IFT74: variants seen among roughly 807,000 people sequenced by gnomAD.
The protein encoded by IFT74 is intraflagellar transport protein 74 homolog.
IFT74 carries 92 observed loss-of-function variants against 96.7 expected under a neutral mutation model. That is an observed-to-expected ratio of 0.95 (90% CI 0.80 to 1.13). The LOEUF is 1.13. Ranked by LOEUF, IFT74 falls within the 50% of genes most tolerant of loss-of-function variation. IFT74 has a pLI of 0.00. For synonymous variants in IFT74, 223 were observed against 213.2 expected (o/e 1.05, Z -0.40); for missense variants, 811 against 698.2 (o/e 1.16, Z -1.82).
chr9:26,984,695 A>G (rs1291637364), intron 6 of IFT74, 136 bp downstream of exon 6: 1 of 626,744 alleles, frequency 1.6e-6, no homozygotes, highest in Non-Finnish European at 2.7e-6. Flanking sequence ...CAACAAGCAT[A>G]TGAAAAGAAG....
intron 2 of IFT74, among the ~76,000 whole-genome samples, chr9:26,968,066 C>CTT (rs34008230): frequency 8.4e-6 from 1 of 118,412 alleles, no homozygotes; most frequent in Non-Finnish European, 1.9e-5. Flanking sequence ...TATGTCTTGT[C>CTT]TTTTTTTTTT....
At chr9:26,964,345 C>T (rs1372804776) in intron 2 of IFT74, among the ~76,000 whole-genome samples, 1 of 149,420 alleles carries the variant, frequency 6.7e-6, no homozygotes, top group Non-Finnish European at 1.5e-5. Context: ...GTACCAGTAC[C>T]ATGCTGTTTT....
chr9:27,058,240 A>G (rs1052248426), intron 18 of IFT74, among the ~76,000 whole-genome samples: 1 of 151,636 alleles, frequency 6.6e-6, no homozygotes, highest in African/African-American at 2.4e-5. Flanking sequence ...GGCACAGACC[A>G]CCATGCTCAG....
chr9:27,008,359 T>C (rs552600521), intron 8 of IFT74, among the ~76,000 whole-genome samples: 4 of 151,892 alleles, frequency 2.6e-5, no homozygotes, highest in Non-Finnish European at 4.4e-5. Flanking sequence ...TAAAACTTAT[T>C]TGTCTTTTTT....
intron 8 of IFT74, among the ~76,000 whole-genome samples, 195 bp downstream of exon 8, chr9:26,990,390 A>C (rs189133210): frequency 1.3e-4 from 19 of 150,708 alleles, no homozygotes; most frequent in African/African-American, 4.3e-4. Flanking sequence ...AATTCTGTAT[A>C]AAGACTATTG....
intron 4 of IFT74, chr9:26,982,378 C>T (rs757275712): frequency 9.2e-5 from 41 of 444,780 alleles, no homozygotes; most frequent in South Asian, 6.2e-4. Context: ...ATTCTCTTGC[C>T]TCAGCCTCGT....
chr9:26,998,251 CAAA>C lies in IFT74; in HGVS notation c.587+8062_587+8064del, dbSNP rs546349071. 9.5e-6 allele frequency: 13 copies of C among 1,363,642 alleles called. No individual in the cohort carries two copies. In the South Asian group the frequency reaches 2.1e-4, roughly 22 times the overall value. The allele number at this position is 1,363,642 out of a possible 1,614,324, so 84.5% of individuals were successfully genotyped here. A position where few individuals can be genotyped will look rare whatever the true frequency, so the allele number is the denominator to read the frequency against. On this transcript the variant is annotated intron_variant, in intron 8 of 19. Transcript: ENST00000380062. ...AATTACATTGGACTTCCTAGAAAAA[CAAA>C]AAAAAGAAAGGCATTAATCAGAAAA...
intron 9 of IFT74, among the ~76,000 whole-genome samples, chr9:27,009,640 C>A (rs1167834589): frequency 6.6e-6 from 1 of 151,698 alleles, no homozygotes; most frequent in Non-Finnish European, 1.5e-5. Flanking sequence ...CCACTGCATT[C>A]CAGCCTGGGC....
intron 2 of IFT74, among the ~76,000 whole-genome samples, chr9:26,973,888 G>A (rs957453404): frequency 2.0e-5 from 3 of 152,154 alleles, no homozygotes; most frequent in Admixed American, 2.0e-4. Context: ...AATTAAAAGA[G>A]ACAGAGACCC....
rs998311214 is a variant in IFT74 at position 27,063,096 on chromosome 9, A to C, written c.*360A>C. Reference sequence around the variant, plus strand: ...GACGGATGCATGGAGTATGATTCTGATTTAGCACTTAGATCAACCTTGTCA... The same window carrying C: ...GACGGATGCATGGAGTATGATTCTGCTTTAGCACTTAGATCAACCTTGTCA... On this transcript the variant is annotated 3_prime_UTR_variant, in exon 20 of 20. Transcript: ENST00000380062. Among the ~76,000 whole-genome samples the C allele has an allele frequency of 7.2e-5, 11 of 152,108 alleles. No individual in the cohort carries two copies. Among genetic ancestry groups the C allele is most frequent in the African/African-American group, 2.4e-4 (10 of 41,436 alleles).
At chr9:27,036,692 A>G in intron 13 of IFT74, 6 of 1,316,326 alleles carry the variant, frequency 4.6e-6, no homozygotes, top group Non-Finnish European at 5.8e-6. Flanking sequence ...TGAAAAAAAA[A>G]AGACTCCTAA....
intron 19 of IFT74, chr9:27,061,131 A>G (rs1316227236): frequency 6.0e-6 from 1 of 166,132 alleles, no homozygotes; most frequent in Non-Finnish European, 1.3e-5. Flanking sequence ...TTTCAATTCT[A>G]CAGTAGTTAA....
chr9:26,953,707 C>T (rs1427375376), upstream of IFT74, among the ~76,000 whole-genome samples: 2 of 147,626 alleles, frequency 1.4e-5, no homozygotes, highest in Non-Finnish European at 3.0e-5. Context: ...GGGGGGGTCT[C>T]ACTATGTTGC....
At chr9:27,031,512 TGA>T (rs1830122006) in intron 13 of IFT74, among the ~76,000 whole-genome samples, 1 of 151,092 alleles carries the variant, frequency 6.6e-6, no homozygotes, top group Non-Finnish European at 1.5e-5. Context: ...GATTAATACT[TGA>T]GAGTTTATAT....
intron 2 of IFT74, among the ~76,000 whole-genome samples, chr9:26,964,896 A>G (rs1240341044): frequency 2.0e-5 from 3 of 152,198 alleles, no homozygotes; most frequent in African/African-American, 7.2e-5. Context: ...TGTGTCATAA[A>G]TAGTGAATAA....
intron 8 of IFT74, among the ~76,000 whole-genome samples, chr9:27,002,367 G>T (rs560373922): frequency 5.4e-4 from 83 of 152,324 alleles, no homozygotes; most frequent in African/African-American, 1.8e-3. Flanking sequence ...GGGTGAAGGT[G>T]GGCTGAGTCC....
intron 8 of IFT74, among the ~76,000 whole-genome samples, chr9:27,002,554 C>T (rs1828557515): frequency 1.3e-5 from 2 of 152,180 alleles, no homozygotes; most frequent in Admixed American, 1.3e-4. Context: ...ACTATTATTT[C>T]TCCATTTTAT....
chr9:27,011,528 A>T (rs1267818806), intron 9 of IFT74, among the ~76,000 whole-genome samples: 1 of 152,184 alleles, frequency 6.6e-6, no homozygotes, highest in Non-Finnish European at 1.5e-5. Flanking sequence ...AAAATTTTAA[A>T]TAATAATCTT....
At chr9:26,970,110 T>C (rs762503484) in intron 2 of IFT74, among the ~76,000 whole-genome samples, 8 of 152,214 alleles carry the variant, frequency 5.3e-5, no homozygotes, top group Non-Finnish European at 7.4e-5. Context: ...TTTTCTCTTA[T>C]TAATTTTAAA....
Sources: gnomAD v4.1 joint callset for allele counts (sites outside exome capture counted in the v4.1 genomes callset) on GRCh38, gnomAD v4.1.1 for gene constraint, MANE v1.5 for transcripts, NCBI Gene and HGNC (gene_info 2026-07-23, HGNC 2026-07-21) for gene names.